Variants in RBMS3 observed in about 807,000 individuals in gnomAD.
RBMS3 encodes the protein RNA-binding motif, single-stranded-interacting protein 3.
RBMS3 carries 27 observed loss-of-function variants against 66.8 expected under a neutral mutation model. That is an observed-to-expected ratio of 0.40 (90% CI 0.30 to 0.56). The LOEUF (loss-of-function observed/expected upper bound fraction) is 0.56, where lower values mean the gene tolerates loss of function less well. RBMS3 is among the 20% of genes least tolerant of loss of function. The pLI is 0.40. For synonymous variants in RBMS3, 188 were observed against 183.0 expected, an observed-to-expected ratio of 1.03 and a Z score of -0.22; for missense variants, 513 against 549.5, an observed-to-expected ratio of 0.93 and a Z score of 0.66.
At chr3:29,551,582 G>A (rs1277960146) in intron 3 of RBMS3, among the ~76,000 whole-genome samples, 1 of 152,146 alleles carries the variant, frequency 6.6e-6, no homozygotes, top group Non-Finnish European at 1.5e-5. Flanking sequence ...TTGCATATTC[G>A]TCATAAATTC....
At chr3:29,406,730 C>G (rs1366633924) in intron 1 of RBMS3, among the ~76,000 whole-genome samples, 3 of 152,186 alleles carry the variant, frequency 2.0e-5, no homozygotes, top group Non-Finnish European at 2.9e-5. Context: ...TACACATACA[C>G]AAACATATAT....
intron 1 of RBMS3, among the ~76,000 whole-genome samples, chr3:29,415,272 C>T (rs1056161937): frequency 5.9e-5 from 9 of 152,104 alleles, no homozygotes; most frequent in Non-Finnish European, 8.8e-5. Context: ...GTAATAGGTA[C>T]TCAGGCGTGC....
intron 2 of RBMS3, among the ~76,000 whole-genome samples, chr3:29,440,738 CATT>C (rs1338660763): frequency 6.6e-6 from 1 of 152,190 alleles, no homozygotes; most frequent in African/African-American, 2.4e-5. Flanking sequence ...TTGGATGTCT[CATT>C]ATAGTGCGTG....
chr3:29,747,248 G>T (rs762289336), intron 5 of RBMS3, among the ~76,000 whole-genome samples: 3 of 152,100 alleles, frequency 2.0e-5, no homozygotes, highest in Non-Finnish European at 4.4e-5. Context: ...TTATAAACAT[G>T]GTTCTACATG....
chr3:30,005,670 G>A lies in RBMS3; in HGVS notation c.*1808G>A, dbSNP rs906944516. The A allele has an allele frequency of 8.6e-5, 13 of 151,778 alleles. No homozygotes were observed. The highest frequency in any genetic ancestry group is 3.1e-4 in the African/African-American group (13 of 41,382). 9.4% of individuals were successfully genotyped at this position (151,778 alleles called of 1,614,324 possible). Reference sequence around the variant, plus strand: ...AATAGTCACCTTGGTTTTGCAAATGGGGAGGGGGTATCATCTTTTTGCCTG... The same window carrying A: ...AATAGTCACCTTGGTTTTGCAAATGAGGAGGGGGTATCATCTTTTTGCCTG... On this transcript the variant is annotated 3_prime_UTR_variant, in exon 15 of 15. Transcript: ENST00000383767.
chr3:29,391,655 G>A (rs770213204), intron 1 of RBMS3, among the ~76,000 whole-genome samples: 1 of 152,256 alleles, frequency 6.6e-6, no homozygotes, highest in Admixed American at 6.5e-5. Context: ...TTATATTTGT[G>A]TAAGTCATAT....
intron 12 of RBMS3, among the ~76,000 whole-genome samples, chr3:29,947,969 AT>A (rs35680221): frequency 2.7e-5 from 4 of 150,802 alleles, no homozygotes; most frequent in South Asian, 2.1e-4. Flanking sequence ...TTTGAAAAAA[AT>A]TTTTTTTTAA....
At chr3:29,475,897 A>C (rs2042931739) in intron 2 of RBMS3, among the ~76,000 whole-genome samples, 1 of 152,208 alleles carries the variant, frequency 6.6e-6, no homozygotes, top group East Asian at 1.9e-4. Context: ...TCTGGTAAAA[A>C]GATCTATAAG....
chr3:29,631,044 T>C (rs2049264059), intron 4 of RBMS3, among the ~76,000 whole-genome samples: 1 of 151,966 alleles, frequency 6.6e-6, no homozygotes, highest in Non-Finnish European at 1.5e-5. Flanking sequence ...CCTAATATCC[T>C]CTAATGCTTA....
intron 10 of RBMS3, among the ~76,000 whole-genome samples, chr3:29,910,142 A>G (rs2060480162): frequency 6.6e-6 from 1 of 152,140 alleles, no homozygotes; most frequent in Non-Finnish European, 1.5e-5. Flanking sequence ...TATCCAATCT[A>G]TTAAATTCTT....
intron 3 of RBMS3, among the ~76,000 whole-genome samples, chr3:29,517,810 T>C (rs1425383367): frequency 6.6e-6 from 1 of 152,186 alleles, no homozygotes; most frequent in Non-Finnish European, 1.5e-5. Context: ...CAAAAACCTA[T>C]TGAAAGACAA....
intron 1 of RBMS3, among the ~76,000 whole-genome samples, chr3:29,378,858 A>G (rs916615195): frequency 1.3e-5 from 2 of 151,782 alleles, no homozygotes; most frequent in African/African-American, 4.8e-5. Context: ...AATATATAAA[A>G]CCAAAATGCA....
At chr3:29,888,054 G>T (rs1251390353) in intron 8 of RBMS3, among the ~76,000 whole-genome samples, 1 of 151,530 alleles carries the variant, frequency 6.6e-6, no homozygotes, top group African/African-American at 2.4e-5. Flanking sequence ...ACCACTCCTG[G>T]ACCCTATTGG....
chr3:29,942,577 T>C (rs931512087), intron 11 of RBMS3, among the ~76,000 whole-genome samples: 13 of 151,668 alleles, frequency 8.6e-5, no homozygotes, highest in Admixed American at 4.0e-4. Context: ...TAAATTTGCA[T>C]GTGTGGAGTT....
chr3:29,513,123 A>G (rs1019212950), intron 3 of RBMS3, among the ~76,000 whole-genome samples: 2 of 152,186 alleles, frequency 1.3e-5, no homozygotes, highest in African/African-American at 2.4e-5. Flanking sequence ...CGCATTTGAC[A>G]TTTACACTGG....
intron 14 of RBMS3, among the ~76,000 whole-genome samples, chr3:29,997,654 C>T (rs1699333513): frequency 6.6e-6 from 1 of 151,516 alleles, no homozygotes; most frequent in African/African-American, 2.4e-5. Context: ...ATAAACAGAG[C>T]CAAAGACAAA....
intron 10 of RBMS3, among the ~76,000 whole-genome samples, 198 bp from the exon 11 acceptor site, chr3:29,935,888 A>G (rs186762704): frequency 6.6e-6 from 1 of 152,288 alleles, no homozygotes; most frequent in East Asian, 1.9e-4. Context: ...GAAGAAAGGA[A>G]GATGTTAATG....
At chr3:29,303,142 T>A (rs2033790789) in intron 1 of RBMS3, among the ~76,000 whole-genome samples, 2 of 152,022 alleles carry the variant, frequency 1.3e-5, no homozygotes, top group South Asian at 2.1e-4. Context: ...TTCTGAGCAC[T>A]TTACCTGCTG....
chr3:29,810,823 A>G (rs1196922545), intron 6 of RBMS3, among the ~76,000 whole-genome samples: 3 of 152,126 alleles, frequency 2.0e-5, no homozygotes, highest in Non-Finnish European at 4.4e-5. Flanking sequence ...TTTTTGTTAC[A>G]TTTTGTTTTT....
Sources: allele counts gnomAD v4.1 joint callset (sites outside exome capture counted in the v4.1 genomes callset), GRCh38; gene constraint gnomAD v4.1.1; transcripts MANE v1.5; gene names NCBI Gene and HGNC (gene_info 2026-07-23, HGNC 2026-07-21).